TTC39A: variants seen among roughly 807,000 people sequenced by gnomAD.
TTC39A encodes tetratricopeptide repeat protein 39A.
Under a neutral mutation model 82.3 loss-of-function variants are expected in TTC39A, and 46 were observed. The ratio of observed to expected loss-of-function variants is 0.56; its 90% CI spans 0.44 to 0.71. TTC39A has a LOEUF of 0.71. TTC39A is among the 30% of genes least tolerant of loss of function. TTC39A has a pLI of 0.00. For missense variants in TTC39A, 543 were observed against 712.9 expected, an observed-to-expected ratio of 0.76 and a Z score of 2.71; for synonymous variants, 254 against 275.2, an observed-to-expected ratio of 0.92 and a Z score of 0.76.
chr1:51,293,063 T>C (rs1292863163), intron 14 of TTC39A, among the ~76,000 whole-genome samples: 1 of 150,832 alleles, frequency 6.6e-6, no homozygotes, highest in African/African-American at 2.5e-5. Context: ...ATAGCTTTAC[T>C]GTATTTTTTT....
At position 51,330,225 on chromosome 1, in the gene TTC39A, AC is replaced by A; in HGVS notation, c.41+211del. ...TTGGGACCCAGAAGGTGAGTGACCG[AC>A]CCGGGGTCCCCGCGCCTCCGCCTCC... is the stretch of plus-strand genomic sequence containing the variant. On this transcript the variant is annotated intron_variant, in intron 1 of 17. Coordinates refer to ENST00000680483, the MANE Select transcript of TTC39A (RefSeq NM_001297663.2). The surrounding 1 kb of genome is among the most constrained non-coding windows in gnomAD (Gnocchi z 4.5). The A allele has an allele frequency of 1.0e-6, 1 of 984,824 alleles. No homozygotes were observed. The highest frequency in any genetic ancestry group is 1.2e-6 in the Non-Finnish European group (1 of 829,638). 61.0% of individuals were successfully genotyped at this position (984,824 alleles called of 1,614,324 possible).
At chr1:51,297,615 C>T (rs1241692724) in intron 12 of TTC39A, 2 of 152,436 alleles carry the variant, frequency 1.3e-5, no homozygotes, top group Non-Finnish European at 2.9e-5. Flanking sequence ...TACCTCCCGT[C>T]TCACTCTAGG....
chr1:51,311,778 C>A (rs563650885), intron 4 of TTC39A, among the ~76,000 whole-genome samples: 1 of 152,224 alleles, frequency 6.6e-6, no homozygotes, highest in South Asian at 2.1e-4. Flanking sequence ...GGGGCCCATG[C>A]GATCACTAGG....
rs17106487 is a variant in TTC39A, at chr1:51,287,722, A to G, written c.*435T>C. Reference sequence around the variant, plus strand: ...GTCACACAAGCTGAGAACTTGCTGAATTTGAAAAGCAATTTGCCCTTTGGC... The same window carrying G: ...GTCACACAAGCTGAGAACTTGCTGAGTTTGAAAAGCAATTTGCCCTTTGGC... On this transcript the variant is annotated 3_prime_UTR_variant, in exon 18 of 18. Coordinates refer to ENST00000680483, the MANE Select transcript of TTC39A (RefSeq NM_001297663.2). 0.02 allele frequency: 3,295 copies of G among 167,418 alleles called. 96 individuals carry two copies. The highest frequency in any genetic ancestry group is 0.065 in the African/African-American group (2,731 of 42,284). 10.4% of individuals were successfully genotyped at this position (167,418 alleles called of 1,614,324 possible). A position where few individuals can be genotyped will look rare whatever the true frequency, so the allele number is the denominator to read the frequency against.
At chr1:51,320,181 G>A (rs1413985708) in intron 2 of TTC39A, among the ~76,000 whole-genome samples, 1 of 152,040 alleles carries the variant, frequency 6.6e-6, no homozygotes, top group Non-Finnish European at 1.5e-5. Context: ...TTACTTGATA[G>A]GTTTCAGCAT....
intron 2 of TTC39A, among the ~76,000 whole-genome samples, chr1:51,320,133 G>A (rs184981697): frequency 2.0e-5 from 3 of 152,174 alleles, no homozygotes; most frequent in Non-Finnish European, 1.5e-5. Flanking sequence ...GTCCTCCCAA[G>A]GATAGGTTTC....
rs1185077915 is a variant in TTC39A, at chr1:51,294,416, G to C, written c.1241C>G (p.Pro414Arg). ...CAGAGCAGGCACTGGCAGCGAGATA[G>C]GGTTGGAGGAGAAGTAGCGCCGGGA... ...RKSRRYFSSN[P>R]ISLPVPALEM... The change falls in exon 14 of 18, where the codon CCT (proline) becomes CGT (arginine). Residue 414 changes from proline to arginine, a missense_variant. Transcript: ENST00000680483. This position sits in a 1 kb window ranked among gnomAD's most constrained non-coding sequence, Gnocchi z 4.3. 1 of 1,613,892 alleles carries C rather than the reference G, an allele frequency of 6.2e-7. No individual in the cohort carries two copies. The highest frequency in any genetic ancestry group is 8.5e-7 in the Non-Finnish European group (1 of 1,179,894).
At chr1:51,327,224 G>A (rs905852747) in intron 1 of TTC39A, among the ~76,000 whole-genome samples, 17 of 152,218 alleles carry the variant, frequency 1.1e-4, no homozygotes, top group African/African-American at 4.1e-4. Flanking sequence ...TGTGGGGTGG[G>A]TGAGGCGGCG....
chr1:51,294,482 G>A lies in TTC39A; in HGVS notation c.1175C>T (p.Ala392Val). 6.2e-7 allele frequency: 1 copy of A among 1,613,958 alleles called. No homozygotes were observed. The highest frequency in any genetic ancestry group is 8.5e-7 in the Non-Finnish European group (1 of 1,179,868). Residue 392 changes from alanine to valine, a missense_variant, in exon 14 of 18, where the codon GCT (alanine) becomes GTT (valine). Physicochemically the swap from Ala to Val is moderately conservative, Grantham distance 64. Coordinates refer to ENST00000680483, the MANE Select transcript of TTC39A (RefSeq NM_001297663.2). This position sits in a 1 kb window ranked among gnomAD's most constrained non-coding sequence, Gnocchi z 4.3. Reference protein sequence around the residue: ...RAVPGLKLKIAGKSLPTEKFA... With the variant: ...RAVPGLKLKIVGKSLPTEKFA... ...CTTCTCTGTGGGTAGAGATTTCCCA[G>A]CAATCTTGAGCTTCAGGCCTGGCAC... is the stretch of plus-strand genomic sequence containing the variant.
intron 1 of TTC39A, among the ~76,000 whole-genome samples, chr1:51,322,626 G>A (rs1645571323): frequency 6.6e-6 from 1 of 152,230 alleles, no homozygotes; most frequent in Admixed American, 6.5e-5. Flanking sequence ...AGAGTCTAAG[G>A]CTAGGAAAGC....
intron 8 of TTC39A, among the ~76,000 whole-genome samples, chr1:51,303,734 C>T (rs1307075207): frequency 5.9e-5 from 9 of 152,190 alleles, no homozygotes; most frequent in Non-Finnish European, 4.4e-5. Context: ...TGACCTGCCT[C>T]ACTCCTGCCT....
Position 51,288,373 on chromosome 1 carries a change from G to A in TTC39A, c.1611-93C>T. 6.3e-7 allele frequency: 1 copy of A among 1,578,004 alleles called. No individual in the cohort carries two copies. Among genetic ancestry groups the A allele is most frequent in the Non-Finnish European group, 8.6e-7 (1 of 1,160,094 alleles). ...AGCTGTATGAGCCCCGCGAGCCAAG[G>A]AAGGATTGTAGAGAAATTAATGTGT... On this transcript the variant is annotated intron_variant, in intron 17 of 17. Coordinates refer to ENST00000680483, the MANE Select transcript of TTC39A (RefSeq NM_001297663.2). The surrounding 1 kb of genome is among the most constrained non-coding windows in gnomAD (Gnocchi z 4.8).
intron 2 of TTC39A, among the ~76,000 whole-genome samples, chr1:51,317,197 A>G (rs1234572199): frequency 6.6e-6 from 1 of 152,212 alleles, no homozygotes; most frequent in Non-Finnish European, 1.5e-5. Flanking sequence ...CAATTAAACG[A>G]GACAATGTGT....
intron 8 of TTC39A, 27 bp downstream of exon 8, chr1:51,305,054 C>T: frequency 1.2e-6 from 2 of 1,612,292 alleles, no homozygotes; most frequent in Non-Finnish European, 1.7e-6. Context: ...CTGAGCAGGT[C>T]AGGGGTGCTA....
At chr1:51,309,396 G>T (rs1468951667) in intron 5 of TTC39A, 71 bp from the exon 6 acceptor site, 2 of 1,607,814 alleles carry the variant, frequency 1.2e-6, no homozygotes, top group Admixed American at 1.7e-5. Context: ...ATCATGCAAG[G>T]CTCTGGGCCT....
chr1:51,309,441 G>A, intron 5 of TTC39A, 116 bp from the exon 6 acceptor site: 1 of 1,548,708 alleles, frequency 6.5e-7, no homozygotes, highest in Non-Finnish European at 8.7e-7. Flanking sequence ...CTGGGGGGAT[G>A]AGGTCGGAGG....
At chr1:51,302,246 C>CG in intron 11 of TTC39A, 111 bp downstream of exon 11, 1 of 571,572 alleles carries the variant, frequency 1.7e-6, no homozygotes, top group Non-Finnish European at 3.4e-6. Context: ...CTTGGCCCCC[C>CG]CCCCGCCCCC....
chr1:51,322,181 A>C, intron 1 of TTC39A: 1 of 1,510,938 alleles, frequency 6.6e-7, no homozygotes, highest in Non-Finnish European at 8.9e-7. Context: ...CTGCCCCCCC[A>C]GGGGGTGCAG....
At chr1:51,337,184 C>T (rs1263303901) in intron 1 of TTC39A, among the ~76,000 whole-genome samples, 1 of 152,142 alleles carries the variant, frequency 6.6e-6, no homozygotes, top group Non-Finnish European at 1.5e-5. Flanking sequence ...AGGCCCTGCA[C>T]AACCTGTATG....
Sources: allele counts gnomAD v4.1 joint callset (sites outside exome capture counted in the v4.1 genomes callset), GRCh38; gene constraint gnomAD v4.1.1; non-coding constraint Gnocchi (gnomAD v3.1); transcripts MANE v1.5; gene names NCBI Gene and HGNC (gene_info 2026-07-23, HGNC 2026-07-21).